Variants in SOX5 observed in about 807,000 individuals in gnomAD.
SOX5 encodes SRY-box transcription factor 5.
In SOX5, 9 loss-of-function variants were observed where a neutral mutation model predicts 92.0. That is an observed-to-expected ratio of 0.10 (90% CI 0.06 to 0.17). SOX5 has a LOEUF of 0.17. Among genes scored for constraint, SOX5 ranks in the 10% least tolerant of loss-of-function variants. The probability of loss-of-function intolerance (pLI) is 1.00; values close to 1 mark genes in which losing one functional copy is unlikely to be tolerated. For synonymous variants in SOX5, 344 were observed against 336.3 expected, an observed-to-expected ratio of 1.02 and a Z score of -0.25; for missense variants, 642 against 944.5, an observed-to-expected ratio of 0.68 and a Z score of 4.20.
chr12:24,213,419 T>TAAAAAAAAAAAAAAAAAAAAAAAAAA (rs67296842), intron 3 of SOX5: 1 of 96,866 alleles, frequency 1.0e-5, no homozygotes, highest in African/African-American at 4.0e-5. Flanking sequence ...CTTGAAATGC[T>TAAAAAAAAAAAAAAAAAAAAAAAAAA]AAAAAAAAAA....
intron 4 of SOX5, among the ~76,000 whole-genome samples, chr12:23,968,271 T>C (rs1016210359): frequency 3.9e-5 from 6 of 152,210 alleles, no homozygotes; most frequent in African/African-American, 9.6e-5. Context: ...TCAAAACTAC[T>C]CTATTTGATT....
At chr12:24,535,322 C>A (rs1407289432) in intron 1 of SOX5, among the ~76,000 whole-genome samples, 5 of 152,180 alleles carry the variant, frequency 3.3e-5, no homozygotes, top group African/African-American at 1.2e-4. Context: ...TGAAAAACAA[C>A]CCTTCATAAG....
At chr12:23,704,819 C>T (rs747454860) in intron 6 of SOX5, among the ~76,000 whole-genome samples, 1 of 149,484 alleles carries the variant, frequency 6.7e-6, no homozygotes. Flanking sequence ...AACATTTATT[C>T]GTTATACACA....
intron 6 of SOX5, among the ~76,000 whole-genome samples, chr12:23,709,446 GTA>G (rs2091814182): frequency 6.6e-6 from 1 of 152,094 alleles, no homozygotes; most frequent in South Asian, 2.1e-4. Context: ...GCATCCTCTA[GTA>G]TACCCAGACC....
chr12:24,477,866 GTTTC>G (rs1227930682), intron 1 of SOX5, among the ~76,000 whole-genome samples: 2 of 152,014 alleles, frequency 1.3e-5, no homozygotes, highest in Non-Finnish European at 2.9e-5. Flanking sequence ...TACAAGCACA[GTTTC>G]TTTCTTTTGA....
At chr12:23,860,230 T>C (rs2096739684) in intron 2 of SOX5, among the ~76,000 whole-genome samples, 1 of 151,802 alleles carries the variant, frequency 6.6e-6, no homozygotes, top group Non-Finnish European at 1.5e-5. Context: ...CAATAATATG[T>C]ACAACAAACC....
intron 2 of SOX5, among the ~76,000 whole-genome samples, chr12:24,301,585 A>C (rs1227456815): frequency 6.6e-6 from 1 of 152,252 alleles, no homozygotes; most frequent in African/African-American, 2.4e-5. Flanking sequence ...TTAATAAAAC[A>C]GTATAAAGCA....
At chr12:23,572,106 A>G (rs1161143785) in intron 10 of SOX5, among the ~76,000 whole-genome samples, 1 of 152,216 alleles carries the variant, frequency 6.6e-6, no homozygotes, top group Non-Finnish European at 1.5e-5. Context: ...CCATATCAAA[A>G]GCATTCTTAT....
chr12:24,068,779 C>A (rs1941310853), intron 4 of SOX5, among the ~76,000 whole-genome samples: 2 of 119,354 alleles, frequency 1.7e-5, no homozygotes, highest in Non-Finnish European at 3.4e-5. Flanking sequence ...TAGTTTATAT[C>A]CAAGATAAAT....
At chr12:23,572,866 G>T (rs906433011) in intron 10 of SOX5, among the ~76,000 whole-genome samples, 3 of 152,120 alleles carry the variant, frequency 2.0e-5, no homozygotes, top group Admixed American at 2.0e-4. Context: ...ACTTCTCAAA[G>T]CTTCAGTTTT....
chr12:24,095,907 G>A (rs966681875), intron 4 of SOX5, among the ~76,000 whole-genome samples: 6 of 152,068 alleles, frequency 3.9e-5, no homozygotes, highest in Non-Finnish European at 7.4e-5. Flanking sequence ...GGCCTCCTCA[G>A]CCATGCTGAA....
intron 2 of SOX5, among the ~76,000 whole-genome samples, chr12:24,356,791 A>G (rs1248030541): frequency 6.6e-6 from 1 of 152,214 alleles, no homozygotes; most frequent in Non-Finnish European, 1.5e-5. Context: ...TTTTTAAAAA[A>G]ACCTCTGAAT....
intron 11 of SOX5, among the ~76,000 whole-genome samples, chr12:23,549,030 C>T (rs1253629797): frequency 1.3e-5 from 2 of 152,000 alleles, no homozygotes; most frequent in Non-Finnish European, 2.9e-5. Context: ...TTCACCTATG[C>T]ACTATCATGT....
chr12:23,976,316 G>A (rs754323064), intron 4 of SOX5, among the ~76,000 whole-genome samples: 8 of 143,694 alleles, frequency 5.6e-5, no homozygotes, highest in African/African-American at 7.8e-5. Context: ...GTGCAGTCCC[G>A]TAAAAGACCT....
chr12:24,484,211 G>A (rs948825575), intron 1 of SOX5, among the ~76,000 whole-genome samples: 3 of 151,922 alleles, frequency 2.0e-5, no homozygotes, highest in Admixed American at 6.6e-5. Flanking sequence ...CAATCCCTTC[G>A]ACTCATTAAT....
intron 1 of SOX5, among the ~76,000 whole-genome samples, chr12:24,551,649 A>G (rs1953184945): frequency 6.6e-6 from 1 of 152,238 alleles, no homozygotes; most frequent in African/African-American, 2.4e-5. Context: ...ATCCCAAGAT[A>G]ATAGACACAG....
chr12:24,551,930 CA>C (rs1263008685), intron 1 of SOX5, among the ~76,000 whole-genome samples: 2 of 152,180 alleles, frequency 1.3e-5, no homozygotes, highest in African/African-American at 4.8e-5. Context: ...TTTAGGCACC[CA>C]CTATGTCCCA....
At chr12:24,006,042 C>T (rs1229658238) in intron 4 of SOX5, among the ~76,000 whole-genome samples, 1 of 152,038 alleles carries the variant, frequency 6.6e-6, no homozygotes, top group Non-Finnish European at 1.5e-5. Flanking sequence ...CTAGGTTTAT[C>T]ACTGGCTAAT....
intron 13 of SOX5, among the ~76,000 whole-genome samples, chr12:23,537,291 C>A (rs1314255156): frequency 2.0e-5 from 3 of 152,078 alleles, no homozygotes; most frequent in African/African-American, 7.2e-5. Flanking sequence ...TTTTTCCTAC[C>A]TTTCACCTCA....
Sources: allele counts gnomAD v4.1 joint callset (sites outside exome capture counted in the v4.1 genomes callset), GRCh38; gene constraint gnomAD v4.1.1; transcripts MANE v1.5; gene names NCBI Gene and HGNC (gene_info 2026-07-23, HGNC 2026-07-21).